Variants in RIC8B observed in about 807,000 individuals in gnomAD.
RIC8B encodes RIC8 guanine nucleotide exchange factor B, also known as chaperone Ric-8B.
A neutral mutation model predicts 57.5 loss-of-function variants in RIC8B; 16 were observed. That is an observed-to-expected ratio of 0.28 (90% CI 0.19 to 0.42). The LOEUF (loss-of-function observed/expected upper bound fraction) is 0.42. Among genes scored for constraint, RIC8B ranks in the 10% least tolerant of loss-of-function variants. The probability of loss-of-function intolerance (pLI) is 1.00; values close to 1 mark genes in which losing one functional copy is unlikely to be tolerated. For missense variants in RIC8B, 481 were observed against 677.0 expected, an observed-to-expected ratio of 0.71 and a Z score of 3.21; for synonymous variants, 216 against 250.8, an observed-to-expected ratio of 0.86 and a Z score of 1.31.
intron 8 of RIC8B, chr12:106,868,400 C>T: frequency 2.2e-6 from 1 of 452,446 alleles, no homozygotes; most frequent in Non-Finnish European, 4.4e-6. Flanking sequence ...CTTCTAAGGC[C>T]TGATTTTCTT....
At chr12:106,874,678 C>T in intron 9 of RIC8B, 1 of 820,364 alleles carries the variant, frequency 1.2e-6, no homozygotes, top group Non-Finnish European at 1.9e-6. Flanking sequence ...TCTATTTTGC[C>T]TCCATGCTGG....
chr12:106,838,017 A>G (rs901378375), intron 4 of RIC8B, among the ~76,000 whole-genome samples: 3 of 152,198 alleles, frequency 2.0e-5, no homozygotes, highest in Non-Finnish European at 2.9e-5. Context: ...AAAGCTGTAC[A>G]TAGTTAATGT....
intron 9 of RIC8B, chr12:106,871,213 C>T (rs1950388760): frequency 4.0e-6 from 1 of 252,486 alleles, no homozygotes; most frequent in Non-Finnish European, 7.5e-6. Context: ...ACCTCCCTGT[C>T]TTCAAAAAGA....
chr12:106,827,032 G>A (rs1397411514), intron 4 of RIC8B, among the ~76,000 whole-genome samples: 2 of 152,184 alleles, frequency 1.3e-5, no homozygotes, highest in African/African-American at 4.8e-5. Context: ...CCGAAATTCC[G>A]CCACTGTACT....
At chr12:106,851,812 C>T (rs542233379) in intron 7 of RIC8B, among the ~76,000 whole-genome samples, 6 of 152,280 alleles carry the variant, frequency 3.9e-5, no homozygotes, top group African/African-American at 1.4e-4. Context: ...CATTACCAAA[C>T]ACACTCACAT....
In RIC8B at chr12:106,859,019, C is replaced by A. The variant is rs186324921; in HGVS notation, c.1307-1249C>A. 1.8e-3 allele frequency among the ~76,000 whole-genome samples: 274 copies of A among 152,186 alleles called. 1 individual carries two copies. Among genetic ancestry groups the A allele is most frequent in the African/African-American group, 6.3e-3 (260 of 41,534 alleles). On this transcript the variant is annotated intron_variant, in intron 7 of 9. Coordinates refer to ENST00000392837, the MANE Select transcript of RIC8B (RefSeq NM_001330145.2). ...TCATTTTAATTACCTTTTTCTGAAT[C>A]TTCTCCAGCTCTATTTTGTCTTTTT...
chr12:106,779,233 ATTTT>A (rs58546342), intron 1 of RIC8B, among the ~76,000 whole-genome samples: 2 of 132,930 alleles, frequency 1.5e-5, no homozygotes, highest in Non-Finnish European at 3.2e-5. Flanking sequence ...TCCTATATAC[ATTTT>A]TTTTTTTTTT....
At chr12:106,786,792 T>TG (rs1241625150) in intron 2 of RIC8B, among the ~76,000 whole-genome samples, 3 of 149,792 alleles carry the variant, frequency 2.0e-5, no homozygotes, top group Non-Finnish European at 4.4e-5. Context: ...AATGAGAGAG[T>TG]GAAAAAAAAA....
chr12:106,775,460 C>G (rs754373648), intron 1 of RIC8B: 38 of 424,634 alleles, frequency 8.9e-5, no homozygotes, highest in Non-Finnish European at 1.8e-4. Context: ...CTAATGATAC[C>G]TGTTATTTGT....
At chr12:106,883,576 T>C (rs916719879) in intron 9 of RIC8B, among the ~76,000 whole-genome samples, 2 of 152,036 alleles carry the variant, frequency 1.3e-5, no homozygotes, top group African/African-American at 4.8e-5. Context: ...CAACAGGAAC[T>C]CTCTACTTAC....
chr12:106,874,691 A>G, intron 9 of RIC8B: 3 of 666,014 alleles, frequency 4.5e-6, no homozygotes, highest in South Asian at 1.9e-5. Flanking sequence ...CATGCTGGAC[A>G]TAGCCGCTGC....
intron 9 of RIC8B, among the ~76,000 whole-genome samples, chr12:106,877,893 GT>G (rs1950739947): frequency 6.6e-6 from 1 of 152,134 alleles, no homozygotes; most frequent in Admixed American, 6.6e-5. Context: ...TTCTTCCAGT[GT>G]GGCCCAGGAA....
chr12:106,876,751 G>A (rs1385645658), intron 9 of RIC8B, among the ~76,000 whole-genome samples: 1 of 152,056 alleles, frequency 6.6e-6, no homozygotes, highest in African/African-American at 2.4e-5. Context: ...GACTAGTAGA[G>A]GAACATCAAA....
At chr12:106,828,532 A>T (rs2136343791) in intron 4 of RIC8B, among the ~76,000 whole-genome samples, 1 of 152,290 alleles carries the variant, frequency 6.6e-6, no homozygotes, top group East Asian at 1.9e-4. Context: ...GATTTGCTTT[A>T]AAGAAAAGTT....
rs1272111314 is a variant in RIC8B, at chr12:106,879,444, G to T, written c.1572-6460G>T. On this transcript the variant is annotated intron_variant, in intron 9 of 9. Transcript: ENST00000392837. This position sits in a 1 kb window ranked among gnomAD's most constrained non-coding sequence, Gnocchi z 4.9. ...CCCTAAAAAGCAGAACCTTCTCTAA[G>T]GTGCTGAGAAGTCATATAAGCCCAG... 2.0e-6 allele frequency: 2 copies of T among 985,070 alleles called. No homozygotes were observed. The highest frequency in any genetic ancestry group is 2.4e-6 in the Non-Finnish European group (2 of 829,902). 61.0% of individuals were successfully genotyped at this position (985,070 alleles called of 1,614,324 possible). A position where few individuals can be genotyped will look rare whatever the true frequency, so the allele number is the denominator to read the frequency against.
chr12:106,859,528 T>C (rs1014574417), intron 7 of RIC8B, among the ~76,000 whole-genome samples: 31 of 152,268 alleles, frequency 2.0e-4, no homozygotes, highest in African/African-American at 7.5e-4. Context: ...GTTTACTTCT[T>C]GGTAGATACT....
At chr12:106,817,188 C>T (rs1447776497) in intron 3 of RIC8B, among the ~76,000 whole-genome samples, 1 of 152,066 alleles carries the variant, frequency 6.6e-6, no homozygotes, top group African/African-American at 2.4e-5. Context: ...GACATAATGC[C>T]CTGCATTATG....
At chr12:106,787,346 G>A (rs1344361160) in intron 2 of RIC8B, among the ~76,000 whole-genome samples, 1 of 152,188 alleles carries the variant, frequency 6.6e-6, no homozygotes, top group Non-Finnish European at 1.5e-5. Flanking sequence ...TTTAGACTTA[G>A]ACATCAGAAC....
chr12:106,877,323 C>A (rs1465591472), intron 9 of RIC8B, among the ~76,000 whole-genome samples: 1 of 151,976 alleles, frequency 6.6e-6, no homozygotes, highest in Non-Finnish European at 1.5e-5. Context: ...AGATTGTGTG[C>A]TATTGTGAGA....
Sources: allele counts gnomAD v4.1 joint callset (sites outside exome capture counted in the v4.1 genomes callset), GRCh38; gene constraint gnomAD v4.1.1; non-coding constraint Gnocchi (gnomAD v3.1); transcripts MANE v1.5; gene names NCBI Gene and HGNC (gene_info 2026-07-23, HGNC 2026-07-21).